The following PHF14 variants were observed in gnomAD, a reference collection of about 807,000 sequenced individuals.
PHF14 encodes PHD finger protein 14.
Under a neutral mutation model 117.9 loss-of-function variants are expected in PHF14, and 55 were observed. The ratio of observed to expected loss-of-function variants is 0.47; its 90% CI spans 0.38 to 0.58. The LOEUF (loss-of-function observed/expected upper bound fraction) is 0.58, where lower values mean the gene tolerates loss of function less well. Ranked by LOEUF, PHF14 falls within the 20% of genes least tolerant of loss-of-function variation. The pLI is 0.00. For missense variants in PHF14, 978 were observed against 1,122.2 expected, an observed-to-expected ratio of 0.87 and a Z score of 1.84; for synonymous variants, 409 against 368.6, an observed-to-expected ratio of 1.11 and a Z score of -1.26.
At chr7:11,165,128 T>A (rs1224569970) in intron 17 of PHF14, among the ~76,000 whole-genome samples, 3 of 152,196 alleles carry the variant, frequency 2.0e-5, no homozygotes, top group African/African-American at 4.8e-5. Flanking sequence ...TTTCACCATG[T>A]TGGCCAGGAT....
chr7:11,036,596 C>G lies in PHF14; in HGVS notation c.1781C>G (p.Pro594Arg). ...ELMGISTDIF[P>R]VDNSDTSSSV... ...ATGGGGATCAGTACAGATATCTTTCCAGTGGACAATTCAGATACTAGTTCT... is the reference window on the plus strand; with the variant it reads ...ATGGGGATCAGTACAGATATCTTTCGAGTGGACAATTCAGATACTAGTTCT... The change falls in exon 9 of 18, where the codon CCA becomes CGA. Residue 594 changes from proline to arginine, a missense_variant. Transcript: ENST00000634607. 1 of 1,613,702 alleles carries G rather than the reference C, an allele frequency of 6.2e-7. No individual in the cohort carries two copies. The highest frequency in any genetic ancestry group is 8.5e-7 in the Non-Finnish European group (1 of 1,179,686).
chr7:11,047,193 C>T (rs1041102849), intron 13 of PHF14, among the ~76,000 whole-genome samples: 15 of 151,804 alleles, frequency 9.9e-5, no homozygotes, highest in Admixed American at 3.3e-4. Context: ...CTCAGCCTCC[C>T]GAGTACCTGG....
chr7:11,121,910 G>T (rs940321757), intron 17 of PHF14, among the ~76,000 whole-genome samples: 1 of 151,130 alleles, frequency 6.6e-6, no homozygotes, highest in African/African-American at 2.4e-5. Flanking sequence ...GGTTTGTTCC[G>T]TAGGTATACA....
At chr7:11,044,486 T>A (rs1784604039) in intron 13 of PHF14, among the ~76,000 whole-genome samples, 2 of 152,170 alleles carry the variant, frequency 1.3e-5, no homozygotes, top group Admixed American at 1.3e-4. Context: ...TAATTTCTCC[T>A]TGTTTCTAGT....
At chr7:11,103,282 C>T in intron 16 of PHF14, 1 of 843,400 alleles carries the variant, frequency 1.2e-6, no homozygotes, top group Non-Finnish European at 1.4e-6. Flanking sequence ...TAGTAATACC[C>T]AAATATATTC....
chr7:10,999,109 A>T (rs1782766742), intron 4 of PHF14, among the ~76,000 whole-genome samples: 1 of 152,150 alleles, frequency 6.6e-6, no homozygotes, highest in Non-Finnish European at 1.5e-5. Context: ...TCCTGGGCTC[A>T]AACAATCTTC....
chr7:10,993,389 G>C (rs1418051599), intron 4 of PHF14, among the ~76,000 whole-genome samples: 1 of 152,130 alleles, frequency 6.6e-6, no homozygotes, highest in African/African-American at 2.4e-5. Flanking sequence ...CTAATGCTCT[G>C]ATCTTCATGT....
At chr7:11,013,148 A>AT (rs1377078507) in intron 4 of PHF14, among the ~76,000 whole-genome samples, 2 of 152,042 alleles carry the variant, frequency 1.3e-5, no homozygotes, top group African/African-American at 2.4e-5. Flanking sequence ...GACAACTTGT[A>AT]TTTTTTATAT....
chr7:11,073,097 C>A (rs527259151), intron 16 of PHF14, among the ~76,000 whole-genome samples: 1 of 152,150 alleles, frequency 6.6e-6, no homozygotes, highest in African/African-American at 2.4e-5. Flanking sequence ...CTTGCCCCCC[C>A]TCCCCAGTTT....
At chr7:11,007,580 A>G (rs1423692609) in intron 4 of PHF14, among the ~76,000 whole-genome samples, 1 of 152,178 alleles carries the variant, frequency 6.6e-6, no homozygotes, top group Non-Finnish European at 1.5e-5. Flanking sequence ...AGACTTCCAT[A>G]TTGTAATTCA....
chr7:11,133,537 C>T (rs1157658211), intron 17 of PHF14, among the ~76,000 whole-genome samples: 1 of 152,036 alleles, frequency 6.6e-6, no homozygotes, highest in East Asian at 1.9e-4. Context: ...AATATTATGT[C>T]ATGAGTTTAT....
At chr7:11,017,139 G>C (rs1783561548) in intron 5 of PHF14, among the ~76,000 whole-genome samples, 1 of 151,908 alleles carries the variant, frequency 6.6e-6, no homozygotes, top group Admixed American at 6.6e-5. Flanking sequence ...TTTCTTTATC[G>C]GATTCGTCTG....
chr7:11,058,893 T>C (rs1037323020), intron 14 of PHF14, among the ~76,000 whole-genome samples: 2 of 152,190 alleles, frequency 1.3e-5, no homozygotes, highest in Admixed American at 6.5e-5. Flanking sequence ...TCTGGATTGC[T>C]TTTTCAGAGC....
At chr7:11,157,389 C>CAAAA (rs10693452) in intron 17 of PHF14, among the ~76,000 whole-genome samples, 38 of 146,740 alleles carry the variant, frequency 2.6e-4, no homozygotes, top group African/African-American at 9.4e-4. Flanking sequence ...AATGGGTTAC[C>CAAAA]AAAAAAAAAA....
At chr7:11,119,723 A>G (rs1236016308) in intron 17 of PHF14, among the ~76,000 whole-genome samples, 1 of 151,930 alleles carries the variant, frequency 6.6e-6, no homozygotes, top group Non-Finnish European at 1.5e-5. Context: ...TATTGTTTCC[A>G]ACCTACATAT....
At chr7:11,043,660 A>T (rs536985609) in intron 13 of PHF14, among the ~76,000 whole-genome samples, 3 of 152,242 alleles carry the variant, frequency 2.0e-5, no homozygotes, top group Non-Finnish European at 2.9e-5. Context: ...CACTATTTTC[A>T]CATGATTGCT....
At position 10,974,283 on chromosome 7, in the gene PHF14, C is replaced by T. The variant is rs1410396023; in HGVS notation, c.-41C>T. On this transcript the variant is annotated 5_prime_UTR_variant, in exon 1 of 18. Transcript: ENST00000634607. ...GGCGCTGCCTGGGCTCCTGCAGCCT[C>T]TCCCTAAGTCTTCTCCAAACGACCA... 1.3e-6 allele frequency: 2 copies of T among 1,574,214 alleles called. No individual in the cohort carries two copies. The highest frequency in any genetic ancestry group is 2.3e-5 in the East Asian group (1 of 43,118).
chr7:11,154,251 TAA>T (rs1428287830), intron 17 of PHF14, among the ~76,000 whole-genome samples: 2 of 152,112 alleles, frequency 1.3e-5, no homozygotes, highest in Non-Finnish European at 2.9e-5. Flanking sequence ...TTCCTCAATT[TAA>T]AATCACATCC....
At chr7:10,976,785 C>T (rs1417704787) in intron 2 of PHF14, among the ~76,000 whole-genome samples, 4 of 150,426 alleles carry the variant, frequency 2.7e-5, no homozygotes, top group African/African-American at 9.8e-5. Context: ...ATCTATATAT[C>T]CCTTAAACAC....
Sources: gnomAD v4.1 joint callset for allele counts (sites outside exome capture counted in the v4.1 genomes callset) on GRCh38, gnomAD v4.1.1 for gene constraint, MANE v1.5 for transcripts, NCBI Gene and HGNC (gene_info 2026-07-23, HGNC 2026-07-21) for gene names.